Variants in SLCO5A1 observed in about 807,000 individuals in gnomAD.
The protein encoded by SLCO5A1 is solute carrier organic anion transporter family member 5A1, also known as organic anion transporter polypeptide-related protein 4.
SLCO5A1 carries 39 observed loss-of-function variants against 65.1 expected under a neutral mutation model. The observed-to-expected ratio is 0.60, with a 90% CI of 0.46 to 0.78. The LOEUF is 0.78. SLCO5A1 is among the 30% of genes least tolerant of loss of function. SLCO5A1 has a pLI of 0.00. For synonymous variants in SLCO5A1, 438 were observed against 415.7 expected (o/e 1.05, Z -0.65); for missense variants, 1,029 against 1,069.4 (o/e 0.96, Z 0.53).
chr8:69,727,502 A>C (rs1563686343), intron 5 of SLCO5A1, among the ~76,000 whole-genome samples: 1 of 152,180 alleles, frequency 6.6e-6, no homozygotes, highest in Non-Finnish European at 1.5e-5. Flanking sequence ...GTTCTTGCAA[A>C]AACTGCTCTG....
At chr8:69,709,673 T>A (rs1815136413) in intron 5 of SLCO5A1, among the ~76,000 whole-genome samples, 2 of 152,338 alleles carry the variant, frequency 1.3e-5, no homozygotes, top group Admixed American at 1.3e-4. Context: ...TCATTTTTTA[T>A]ACCTTTGATT....
At chr8:69,797,571 C>A (rs1193554464) in intron 2 of SLCO5A1, among the ~76,000 whole-genome samples, 1 of 152,194 alleles carries the variant, frequency 6.6e-6, no homozygotes, top group Admixed American at 6.5e-5. Context: ...AAGGAACATC[C>A]CTGAGAAAGA....
At chr8:69,675,310 G>T (rs145661391) in intron 9 of SLCO5A1, among the ~76,000 whole-genome samples, 2,245 of 151,572 alleles carry the variant, frequency 0.015, 141 homozygotes, top group Admixed American at 0.11. Flanking sequence ...GAGTAGTTGG[G>T]ATTACAGGTA....
intron 2 of SLCO5A1, among the ~76,000 whole-genome samples, chr8:69,792,449 G>A (rs1207013780): frequency 1.3e-5 from 2 of 152,100 alleles, no homozygotes; most frequent in African/African-American, 4.8e-5. Context: ...TTTCAATGTC[G>A]AGCCAGGAAA....
intron 4 of SLCO5A1, among the ~76,000 whole-genome samples, chr8:69,748,876 GT>G (rs1228936744): frequency 6.6e-6 from 1 of 152,164 alleles, no homozygotes; most frequent in Non-Finnish European, 1.5e-5. Context: ...GGGAGCCTTT[GT>G]GGTGATGCTG....
At chr8:69,717,851 C>G (rs950206459) in intron 5 of SLCO5A1, among the ~76,000 whole-genome samples, 2 of 152,036 alleles carry the variant, frequency 1.3e-5, no homozygotes, top group African/African-American at 4.8e-5. Flanking sequence ...AATGAGGATA[C>G]ATTGTGGACA....
At chr8:69,744,772 C>G (rs1388785922) in intron 4 of SLCO5A1, among the ~76,000 whole-genome samples, 2 of 152,130 alleles carry the variant, frequency 1.3e-5, no homozygotes, top group Non-Finnish European at 2.9e-5. Flanking sequence ...AAATGGAGTC[C>G]ATTCCAAAGA....
intron 4 of SLCO5A1, among the ~76,000 whole-genome samples, chr8:69,742,101 T>A (rs1221075554): frequency 6.6e-6 from 1 of 152,188 alleles, no homozygotes; most frequent in Non-Finnish European, 1.5e-5. Flanking sequence ...TTAGGGACAG[T>A]AGAGTACCAC....
intron 2 of SLCO5A1, chr8:69,794,404 TC>T: frequency 2.2e-6 from 1 of 447,926 alleles, no homozygotes. Flanking sequence ...TTAGACACCA[TC>T]AGGGTCCAAG....
At chr8:69,784,762 T>C (rs1393472402) in intron 2 of SLCO5A1, among the ~76,000 whole-genome samples, 2 of 131,178 alleles carry the variant, frequency 1.5e-5, no homozygotes, top group Admixed American at 8.6e-5. Context: ...CACTTCAGCC[T>C]GGGCAACAGA....
chr8:69,806,161 T>A (rs1355055687), intron 2 of SLCO5A1, among the ~76,000 whole-genome samples: 1 of 152,222 alleles, frequency 6.6e-6, no homozygotes, highest in Admixed American at 6.5e-5. Flanking sequence ...ACTTCCACTC[T>A]AGGGTTTTTG....
intron 6 of SLCO5A1, among the ~76,000 whole-genome samples, chr8:69,699,522 C>T (rs1310443183): frequency 1.3e-5 from 2 of 152,092 alleles, no homozygotes; most frequent in South Asian, 2.1e-4. Flanking sequence ...CCTCCCACAG[C>T]GAGACCCACC....
chr8:69,793,539 G>T (rs1351932321), intron 2 of SLCO5A1, among the ~76,000 whole-genome samples: 1 of 151,902 alleles, frequency 6.6e-6, no homozygotes, highest in Non-Finnish European at 1.5e-5. Flanking sequence ...TGAGGCAGAT[G>T]GATCAGCCTT....
At chr8:69,711,510 A>AG in intron 5 of SLCO5A1, among the ~76,000 whole-genome samples, 1 of 152,292 alleles carries the variant, frequency 6.6e-6, no homozygotes, top group East Asian at 1.9e-4. Flanking sequence ...GGGGAGGGCA[A>AG]GGGGGGCAGA....
At chr8:69,675,450 T>G (rs1813509943) in intron 9 of SLCO5A1, among the ~76,000 whole-genome samples, 1 of 152,148 alleles carries the variant, frequency 6.6e-6, no homozygotes, top group Non-Finnish European at 1.5e-5. Flanking sequence ...GTGCAGGGAT[T>G]AAAGCATTAG....
chr8:69,816,868 G>T (rs899703307), intron 2 of SLCO5A1, among the ~76,000 whole-genome samples: 6 of 152,150 alleles, frequency 3.9e-5, no homozygotes, highest in Non-Finnish European at 5.9e-5. Context: ...TGCTGCATAG[G>T]CTGGGAGAAG....
At chr8:69,770,227 C>A (rs1467493910) in intron 2 of SLCO5A1, among the ~76,000 whole-genome samples, 1 of 152,126 alleles carries the variant, frequency 6.6e-6, no homozygotes, top group African/African-American at 2.4e-5. Flanking sequence ...TATGCTGTTA[C>A]AAATATCTAG....
chr8:69,679,235 A>T, intron 8 of SLCO5A1, 143 bp downstream of exon 8: 1 of 1,140,216 alleles, frequency 8.8e-7, no homozygotes, highest in Non-Finnish European at 1.3e-6. Flanking sequence ...TCCTAAGTTC[A>T]CCAGGCAAAT....
At chr8:69,750,254 G>A (rs1026509428) in intron 4 of SLCO5A1, among the ~76,000 whole-genome samples, 1 of 152,072 alleles carries the variant, frequency 6.6e-6, no homozygotes, top group African/African-American at 2.4e-5. Context: ...AGGGGGCAAG[G>A]GTCGATGCAG....
Sources: gnomAD v4.1 joint callset for allele counts (sites outside exome capture counted in the v4.1 genomes callset) on GRCh38, gnomAD v4.1.1 for gene constraint, MANE v1.5 for transcripts, NCBI Gene and HGNC (gene_info 2026-07-23, HGNC 2026-07-21) for gene names.